The following CHRM3 variants were observed in gnomAD, a reference collection of about 807,000 sequenced individuals.
CHRM3 encodes the protein muscarinic acetylcholine receptor M3.
Under a neutral mutation model 41.8 loss-of-function variants are expected in CHRM3, and 11 were observed. The observed-to-expected ratio is 0.26, with a 90% CI of 0.17 to 0.44. The LOEUF (loss-of-function observed/expected upper bound fraction) is 0.44, where lower values mean the gene tolerates loss of function less well. CHRM3 is among the 20% of genes least tolerant of loss of function. The pLI, the probability that CHRM3 is intolerant of heterozygous loss-of-function variation, is 1.00. For synonymous variants in CHRM3, 297 were observed against 301.4 expected (o/e 0.99, Z 0.15); for missense variants, 571 against 745.4 (o/e 0.77, Z 2.72).
intron 3 of CHRM3, among the ~76,000 whole-genome samples, chr1:239,581,449 T>C (rs1307611270): frequency 9.0e-6 from 1 of 111,324 alleles, no homozygotes; most frequent in Non-Finnish European, 1.7e-5. Context: ...GAGTTGCGTG[T>C]GTGTGTGGGT....
intron 1 of CHRM3, among the ~76,000 whole-genome samples, chr1:239,491,314 A>G (rs932645669): frequency 1.3e-5 from 2 of 152,170 alleles, no homozygotes; most frequent in Admixed American, 6.5e-5. Flanking sequence ...GCACTTTTAT[A>G]TCTATTAACC....
intron 4 of CHRM3, among the ~76,000 whole-genome samples, chr1:239,668,160 G>A (rs1379899349): frequency 7.4e-5 from 10 of 135,696 alleles, no homozygotes; most frequent in Non-Finnish European, 1.4e-4. Flanking sequence ...GTGCAGTGGC[G>A]TGATCTTGGC....
At chr1:239,540,452 C>G (rs775744929) in intron 2 of CHRM3, among the ~76,000 whole-genome samples, 1 of 152,118 alleles carries the variant, frequency 6.6e-6, no homozygotes, top group Non-Finnish European at 1.5e-5. Context: ...GATAAACAAA[C>G]AGCTCTTACT....
chr1:239,811,138 A>G (rs2148982020), intron 5 of CHRM3, among the ~76,000 whole-genome samples: 1 of 152,338 alleles, frequency 6.6e-6, no homozygotes, highest in East Asian at 1.9e-4. Context: ...CCTGACTCAA[A>G]ATCCCAATAG....
intron 5 of CHRM3, among the ~76,000 whole-genome samples, chr1:239,715,328 T>G: frequency 6.6e-6 from 1 of 152,102 alleles, no homozygotes; most frequent in East Asian, 1.9e-4. Flanking sequence ...CACCAGAATT[T>G]TTGTCAATGA....
rs1317272919 is a variant in CHRM3 at position 239,915,086 on chromosome 1, T to C, written c.*5862T>C. On this transcript the variant is annotated 3_prime_UTR_variant, in exon 7 of 7. Coordinates refer to ENST00000676153, the MANE Select transcript of CHRM3 (RefSeq NM_001375978.1). The stretch of plus-strand genomic sequence containing the variant: ...GGTGAATCAGCATGCTGATTTCTCT[T>C]GGCAGGAAGCTCTCAGGGAAATGTC... 1.2e-5 allele frequency: 2 copies of C among 167,102 alleles called. No homozygotes were observed. The highest frequency in any genetic ancestry group is 6.5e-5 in the Admixed American group (1 of 15,290). 10.4% of individuals were successfully genotyped at this position (167,102 alleles called of 1,614,324 possible).
intron 6 of CHRM3, among the ~76,000 whole-genome samples, chr1:239,833,485 C>A (rs1162778342): frequency 6.6e-6 from 1 of 152,158 alleles, no homozygotes; most frequent in Non-Finnish European, 1.5e-5. Flanking sequence ...TATCCTTTGG[C>A]CTTCTCACTA....
chr1:239,857,106 G>C (rs1365882434), intron 6 of CHRM3, among the ~76,000 whole-genome samples: 2 of 152,176 alleles, frequency 1.3e-5, no homozygotes, highest in Non-Finnish European at 2.9e-5. Flanking sequence ...TTGAATGATT[G>C]CTTAGGAGGC....
At chr1:239,860,082 AC>A (rs1215333099) in intron 6 of CHRM3, among the ~76,000 whole-genome samples, 6 of 152,090 alleles carry the variant, frequency 3.9e-5, no homozygotes, top group Non-Finnish European at 7.4e-5. Flanking sequence ...GTATGCAGCC[AC>A]ACAGAAAAGA....
chr1:239,709,259 T>C (rs1021855772), intron 5 of CHRM3, among the ~76,000 whole-genome samples: 2 of 152,188 alleles, frequency 1.3e-5, no homozygotes, highest in African/African-American at 4.8e-5. Context: ...CCCAAGTCTT[T>C]GTTTTCTGGG....
intron 5 of CHRM3, among the ~76,000 whole-genome samples, chr1:239,723,956 T>C (rs1317537491): frequency 6.6e-6 from 1 of 151,898 alleles, no homozygotes; most frequent in African/African-American, 2.4e-5. Flanking sequence ...GGAAACAAAC[T>C]TCATTTTGTG....
intron 5 of CHRM3, among the ~76,000 whole-genome samples, chr1:239,679,052 G>GATAGATAGATAGAT: frequency 6.6e-6 from 1 of 152,068 alleles, no homozygotes; most frequent in Middle Eastern, 3.4e-3. Context: ...TAGATAGATA[G>GATAGATAGATAGAT]ATAGATATAG....
chr1:239,719,874 G>T (rs184833982), intron 5 of CHRM3, among the ~76,000 whole-genome samples: 188 of 152,072 alleles, frequency 1.2e-3, no homozygotes, highest in South Asian at 3.5e-3. Context: ...GGTGATATTT[G>T]TGTTGAGCTC....
chr1:239,908,549 C>T lies in CHRM3; in HGVS notation c.1098C>T (p.Ser366=), dbSNP rs1572660875. 6.3e-7 allele frequency: 1 copy of T among 1,587,712 alleles called. No individual in the cohort carries two copies. The highest frequency in any genetic ancestry group is 8.6e-7 in the Non-Finnish European group (1 of 1,167,130). ...DIGSETRAIY[S]IVLKLPGHST... ...GCTCCGAGACGAGAGCCATCTACTC[C>T]ATCGTGCTCAAGCTTCCGGGTCACA... is the stretch of plus-strand genomic sequence containing the variant. Residue 366 remains serine, a synonymous_variant, in exon 7 of 7, where the codon TCC becomes TCT. Transcript: ENST00000676153. The surrounding 1 kb of genome is among the most constrained non-coding windows in gnomAD (Gnocchi z 7.2).
At chr1:239,830,689 G>A (rs1447823056) in intron 6 of CHRM3, among the ~76,000 whole-genome samples, 3 of 152,160 alleles carry the variant, frequency 2.0e-5, no homozygotes, top group Non-Finnish European at 2.9e-5. Context: ...GGGCAATAGA[G>A]GGAGACTCCA....
chr1:239,801,287 C>A (rs937406460), intron 5 of CHRM3, among the ~76,000 whole-genome samples: 17 of 152,164 alleles, frequency 1.1e-4, no homozygotes, highest in Admixed American at 9.8e-4. Flanking sequence ...ACATTAAAGT[C>A]CCTGCCATCA....
Position 239,758,397 on chromosome 1 carries a change from C to T in CHRM3, c.-146-68855C>T, listed in dbSNP as rs72475040. ...GAATGAGTCAGTGAATGTTAGGCTA[C>T]GTGTATCCCTTCCCCACCCCAACAA... On this transcript the variant is annotated intron_variant, in intron 5 of 6. Transcript: ENST00000676153. Among the ~76,000 whole-genome samples, 19 of 152,172 alleles carry T rather than the reference C, an allele frequency of 1.2e-4. No homozygotes were observed. In the East Asian group the frequency reaches 2.9e-3, roughly 23 times the overall value.
chr1:239,914,380 G>A lies in CHRM3; in HGVS notation c.*5156G>A, dbSNP rs1680535064. 1 of 166,960 alleles carries A rather than the reference G, an allele frequency of 6.0e-6. No individual in the cohort carries two copies. Among genetic ancestry groups the A allele is most frequent in the Non-Finnish European group, 1.5e-5 (1 of 68,110 alleles). 10.3% of individuals were successfully genotyped at this position (166,960 alleles called of 1,614,324 possible). On this transcript the variant is annotated 3_prime_UTR_variant, in exon 7 of 7. Coordinates refer to ENST00000676153, the MANE Select transcript of CHRM3 (RefSeq NM_001375978.1). ...ATATAACAAATATTATCAACATTCT[G>A]TGCACATCAATGTCCCATGCTGCTA...
chr1:239,763,439 A>C (rs565634572), intron 5 of CHRM3, among the ~76,000 whole-genome samples: 5 of 152,354 alleles, frequency 3.3e-5, no homozygotes, highest in African/African-American at 1.2e-4. Flanking sequence ...CACAGATGAT[A>C]AAATTGAGTA....
Sources: gnomAD v4.1 joint callset for allele counts (sites outside exome capture counted in the v4.1 genomes callset) on GRCh38, gnomAD v4.1.1 for gene constraint, Gnocchi (gnomAD v3.1) non-coding constraint, MANE v1.5 for transcripts, NCBI Gene and HGNC (gene_info 2026-07-23, HGNC 2026-07-21) for gene names.